Variants in CHM observed in about 807,000 individuals in gnomAD.
The protein encoded by CHM is CHM Rab escort protein, also known as rab proteins geranylgeranyltransferase component A 1.
Under a neutral mutation model 49.0 loss-of-function variants are expected in CHM, and 10 were observed. The ratio of observed to expected loss-of-function variants is 0.20; its 90% CI spans 0.13 to 0.35. The LOEUF (loss-of-function observed/expected upper bound fraction) is 0.35, where lower values mean the gene tolerates loss of function less well. CHM is among the 10% of genes least tolerant of loss of function. CHM has a pLI of 1.00. For missense variants in CHM, 455 were observed against 478.4 expected, an observed-to-expected ratio of 0.95 and a Z score of 0.46; for synonymous variants, 184 against 167.5, an observed-to-expected ratio of 1.10 and a Z score of -0.76.
intron 4 of CHM, among the ~76,000 whole-genome samples, chrX:85,976,875 AAC>A (rs201555478): frequency 0.025 from 1,884 of 76,105 alleles, 25 homozygotes; most frequent in East Asian, 0.044. Flanking sequence ...AACACACACA[AAC>A]ACACACACAC....
chrX:85,903,534 G>A (rs771321395), intron 9 of CHM: 5 of 380,233 alleles, frequency 1.3e-5, no homozygotes, highest in Non-Finnish European at 2.6e-5. Flanking sequence ...GGGTTTGGGA[G>A]TTAGGGAGCT....
At chrX:85,882,060 A>G (rs1603237479) in intron 12 of CHM, among the ~76,000 whole-genome samples, 2 of 111,591 alleles carry the variant, frequency 1.8e-5, no homozygotes, top group African/African-American at 3.2e-5. Flanking sequence ...TAATTTTACT[A>G]TAAGTCAATA....
chrX:85,999,864 A>C (rs1932619322), intron 2 of CHM, among the ~76,000 whole-genome samples: 1 of 111,999 alleles, frequency 8.9e-6, no homozygotes, highest in Admixed American at 9.5e-5. Context: ...GCAACACAAC[A>C]ATGAAGTGAC....
chrX:85,959,136 T>G (rs1234656629), intron 5 of CHM, among the ~76,000 whole-genome samples, 159 bp from the exon 6 acceptor site: 1 of 111,833 alleles, frequency 8.9e-6, no homozygotes, highest in Non-Finnish European at 1.9e-5. Context: ...GGCTCAGAAT[T>G]GATTAGCTGA....
intron 12 of CHM, among the ~76,000 whole-genome samples, chrX:85,881,188 A>T (rs1211887113): frequency 1.8e-5 from 2 of 111,943 alleles, no homozygotes; most frequent in Non-Finnish European, 3.8e-5. Context: ...TCCCATACCA[A>T]TAGATCTATG....
At chrX:85,967,917 T>C (rs915070877) in intron 4 of CHM, among the ~76,000 whole-genome samples, 2 of 111,491 alleles carry the variant, frequency 1.8e-5, no homozygotes, top group Non-Finnish European at 3.8e-5. Context: ...GTCTTATGAA[T>C]ACCTTGTAAC....
intron 2 of CHM, among the ~76,000 whole-genome samples, chrX:85,984,150 C>A (rs1019217084): frequency 1.3e-4 from 14 of 109,641 alleles, no homozygotes; most frequent in African/African-American, 4.7e-4. Context: ...TGCAGTGAAC[C>A]GAGATCGTGC....
chrX:85,887,102 C>T (rs1272823062), intron 12 of CHM, among the ~76,000 whole-genome samples: 1 of 109,216 alleles, frequency 9.2e-6, no homozygotes, highest in Non-Finnish European at 1.9e-5. Context: ...CTAAAAAACC[C>T]AAACCCAGTC....
Position 86,041,305 on chromosome X carries a change from T to TA in CHM, c.49+6178dup, listed in dbSNP as rs1313881250. On this transcript the variant is annotated intron_variant, in intron 1 of 14. Transcript: ENST00000357749. ...TCTCCCAGAGAGTCTTCTCCAGAGT[T>TA]AGATAACTCTTTACTTTTCTAGGTA... Among the ~76,000 whole-genome samples, 3 of 111,469 alleles carry TA rather than the reference T, an allele frequency of 2.7e-5. No individual in the cohort carries two copies. The East Asian group carries it at 8.5e-4, about 31-fold the overall frequency.
At chrX:86,016,408 A>G (rs1347859868) in intron 2 of CHM, among the ~76,000 whole-genome samples, 3 of 111,489 alleles carry the variant, frequency 2.7e-5, no homozygotes, top group African/African-American at 9.8e-5. Flanking sequence ...CTAGGAGAAA[A>G]TGGTTTCTTG....
chrX:86,019,347 T>C (rs933856085), intron 2 of CHM, among the ~76,000 whole-genome samples: 1 of 111,917 alleles, frequency 8.9e-6, no homozygotes, highest in African/African-American at 3.2e-5. Flanking sequence ...TAAATGATTA[T>C]ATTAAGCAAA....
chrX:85,998,981 C>G (rs911618031), intron 2 of CHM, among the ~76,000 whole-genome samples: 3 of 109,842 alleles, frequency 2.7e-5, no homozygotes, highest in Non-Finnish European at 5.7e-5. Context: ...TTTATAATTA[C>G]AGAAAAAAAG....
In CHM at chrX:85,879,100, C is replaced by T. The variant is rs1924602320; in HGVS notation, c.1511-37G>A. 8 of 969,056 alleles carry T rather than the reference C, an allele frequency of 8.3e-6. No individual in the cohort carries two copies. In the East Asian group the frequency reaches 2.5e-4, roughly 31 times the overall value. The allele number at this position is 969,056 out of a possible 1,213,427, so 79.9% of individuals were successfully genotyped here. ...AAAATATTTGAGTTCCTTGTCATCA[C>T]AAATCTATTTTACTTATACTTAAGG... On this transcript the variant is annotated intron_variant, in intron 12 of 14. Transcript: ENST00000357749.
intron 2 of CHM, among the ~76,000 whole-genome samples, chrX:85,982,167 T>C (rs182235892): frequency 1.8e-5 from 2 of 111,876 alleles, no homozygotes; most frequent in African/African-American, 6.5e-5. Flanking sequence ...AAAACCTTGA[T>C]AGATCTCAAA....
At chrX:85,977,112 T>C (rs2147703659) in intron 4 of CHM, among the ~76,000 whole-genome samples, 1 of 111,904 alleles carries the variant, frequency 8.9e-6, no homozygotes, top group African/African-American at 3.2e-5. Context: ...AGTGAGATAT[T>C]GTTAGTCCTA....
intron 1 of CHM, among the ~76,000 whole-genome samples, chrX:86,039,020 A>C (rs1025191975): frequency 8.9e-6 from 1 of 112,361 alleles, no homozygotes; most frequent in Admixed American, 9.4e-5. Flanking sequence ...CCTACATCAA[A>C]CTTAGCTGAG....
chrX:85,997,704 C>T lies in CHM; in HGVS notation c.117-15895G>A, dbSNP rs954585571. ...GTGGCGGTGGCTCACACCTGTAATCCCAGCACTTTGGCCAATGGGTAAATC... is the reference window on the plus strand; with the variant it reads ...GTGGCGGTGGCTCACACCTGTAATCTCAGCACTTTGGCCAATGGGTAAATC... On this transcript the variant is annotated intron_variant, in intron 2 of 14. Transcript: ENST00000357749. Among the ~76,000 whole-genome samples, 28 of 111,253 alleles carry T rather than the reference C, an allele frequency of 2.5e-4. No homozygotes were observed. In the Admixed American group the frequency reaches 2.6e-3, roughly 10 times the overall value.
At chrX:85,868,910 C>T (rs760310131) in intron 14 of CHM, among the ~76,000 whole-genome samples, 11 of 112,128 alleles carry the variant, frequency 9.8e-5, no homozygotes, top group African/African-American at 3.2e-4. Context: ...ATCTAGCCTC[C>T]ATCTCTCAGA....
At chrX:85,873,344 T>C in intron 13 of CHM, 132 bp from the exon 14 acceptor site, 1 of 469,919 alleles carries the variant, frequency 2.1e-6, no homozygotes, top group Non-Finnish European at 3.6e-6. Flanking sequence ...TGTAAACATT[T>C]AGTAAATTTG....
Sources: gnomAD v4.1 joint callset for allele counts (sites outside exome capture counted in the v4.1 genomes callset) on GRCh38, gnomAD v4.1.1 for gene constraint, MANE v1.5 for transcripts, NCBI Gene and HGNC (gene_info 2026-07-23, HGNC 2026-07-21) for gene names.